ALG2: variants seen among roughly 807,000 people sequenced by gnomAD.
ALG2 encodes ALG2 alpha-1,3/1,6-mannosyltransferase.
ALG2 carries 32 observed loss-of-function variants against 30.5 expected under a neutral mutation model. The ratio of observed to expected loss-of-function variants is 1.05; its 90% confidence interval spans 0.79 to 1.41. The LOEUF (loss-of-function observed/expected upper bound fraction) is 1.41. Ranked by LOEUF, ALG2 falls within the 40% of genes most tolerant of loss-of-function variation. The pLI is 0.00. For synonymous variants in ALG2, 253 were observed against 224.8 expected, an observed-to-expected ratio of 1.13 and a Z score of -1.12; for missense variants, 574 against 526.4, an observed-to-expected ratio of 1.09 and a Z score of -0.88.
At chr9:99,218,965 T>A (rs368942883) in intron 1 of ALG2, 129 bp from the exon 2 acceptor site, 6 of 974,110 alleles carry the variant, frequency 6.2e-6, no homozygotes, top group African/African-American at 4.8e-5. Flanking sequence ...TCTGTTTTAT[T>A]CCCCAAGACT....
intron 1 of ALG2, among the ~76,000 whole-genome samples, chr9:99,220,170 G>C (rs747200806): frequency 1.3e-5 from 2 of 151,784 alleles, no homozygotes; most frequent in Non-Finnish European, 2.9e-5. Flanking sequence ...CCAACTTTAG[G>C]AATTTCCTCA....
chr9:99,220,947 C>G (rs773931286), intron 1 of ALG2: 1 of 1,350,260 alleles, frequency 7.4e-7, no homozygotes, highest in Non-Finnish European at 9.8e-7. Context: ...TCAAGAATAG[C>G]TACAGGGCAG....
rs1477909063 is a variant in ALG2, at chr9:99,216,916, GAA to G, written c.*1016_*1017del. ...ACTTCTGGAAATGAATTTAGCCTTA[GAA>G]GTATGTTGAAAACTACTGTTTATGA... On this transcript the variant is annotated 3_prime_UTR_variant, in exon 2 of 2. Transcript: ENST00000476832. 7.7e-5 allele frequency: 35 copies of G among 453,984 alleles called. No homozygotes were observed. The highest frequency in any genetic ancestry group is 1.2e-4 in the Non-Finnish European group (28 of 226,800). The allele number at this position is 453,984 out of a possible 1,614,324, so 28.1% of individuals were successfully genotyped here. A position where few individuals can be genotyped will look rare whatever the true frequency, so the allele number is the denominator to read the frequency against.
Position 99,217,374 on chromosome 9 carries a change from T to TAAAC in ALG2, c.*556_*559dup. 1 of 454,036 alleles carries TAAAC rather than the reference T, an allele frequency of 2.2e-6. No individual in the cohort carries two copies. The highest frequency in any genetic ancestry group is 6.9e-5 in the East Asian group (1 of 14,396). The allele number at this position is 454,036 out of a possible 1,614,324, so 28.1% of individuals were successfully genotyped here. A position where few individuals can be genotyped will look rare whatever the true frequency, so the allele number is the denominator to read the frequency against. On this transcript the variant is annotated 3_prime_UTR_variant, in exon 2 of 2. Transcript: ENST00000476832. ...ATCTAATACTGTTTCTTTTTTATGA[T>TAAAC]AAACACCTTTTATTATATCTCAGTG...
In ALG2 at chr9:99,218,735, A is replaced by T. The variant is rs1371966444; in HGVS notation, c.450T>A (p.Phe150Leu). 2 of 1,614,032 alleles carry T rather than the reference A, an allele frequency of 1.2e-6. No homozygotes were observed. Among genetic ancestry groups the T allele is most frequent in the Non-Finnish European group, 1.7e-6 (2 of 1,180,034 alleles). Residue 150 changes from phenylalanine to leucine, a missense_variant, in exon 2 of 2, where the codon TTT becomes TTA. Transcript: ENST00000476832. ...PDLLLTKRDSFLKRLYRAPID... is the reference protein window; with the variant it reads ...PDLLLTKRDSLLKRLYRAPID... ...TTGGGGCCCTGTATAGTCGTTTAAG[A>T]AAAGAATCTCTCTTGGTGAGAAGCA...
Position 99,221,870 on chromosome 9 carries a change from G to T in ALG2, c.25C>A (p.Arg9=). The change falls in exon 1 of 2, where the codon CGG becomes AGG. Residue 9 remains arginine (R), a synonymous_variant. Transcript: ENST00000476832. ...ACCGACGGCTTGGGAACCGAGTCCC[G>T]TTCCCGGCCCTGCTCCTCCGCCATG... MAEEQGRE[R]DSVPKPSVLF... 1 of 1,590,362 alleles carries T rather than the reference G, an allele frequency of 6.3e-7. No homozygotes were observed.
At position 99,218,323 on chromosome 9, in the gene ALG2, C is replaced by G. The variant is rs755373330; in HGVS notation, c.862G>C (p.Val288Leu). Residue 288 changes from valine (V) to leucine (L), a missense_variant, in exon 2 of 2, where the codon GTC (valine) becomes CTC (leucine). Val to Leu is a conservative substitution (Grantham distance 32, BLOSUM62 1). Transcript: ENST00000476832. ...VEHYQELKKM[V>L]QQSDLGQYVT... ...TACTGGCCAAGGTCGGACTGTTGGA[C>G]CATTTTCTTCAATTCCTGATAATGT... The G allele has an allele frequency of 1.2e-6, 2 of 1,614,194 alleles. No individual in the cohort carries two copies. Among genetic ancestry groups the G allele is most frequent in the Admixed American group, 3.3e-5 (2 of 60,024 alleles).
intron 1 of ALG2, among the ~76,000 whole-genome samples, chr9:99,219,077 G>A (rs1435043516): frequency 6.6e-6 from 1 of 152,138 alleles, no homozygotes; most frequent in East Asian, 1.9e-4. Context: ...CTCTTGTATA[G>A]TGCTGTCTAA....
chr9:99,216,761 T>C lies in ALG2; in HGVS notation c.*1173A>G, dbSNP rs1229622647. The C allele has an allele frequency of 2.2e-6, 1 of 453,874 alleles. No homozygotes were observed. Among genetic ancestry groups the C allele is most frequent in the Admixed American group, 2.4e-5 (1 of 42,538 alleles). 28.1% of individuals were successfully genotyped at this position (453,874 alleles called of 1,614,324 possible). A position where few individuals can be genotyped will look rare whatever the true frequency, so the allele number is the denominator to read the frequency against. ...TATGAGGAAAGTAGAATAGTACAAT[T>C]ATCTCACTTTGCAGATGAAGAAGCT... On this transcript the variant is annotated 3_prime_UTR_variant, in exon 2 of 2. Transcript: ENST00000476832.
At position 99,217,470 on chromosome 9, in the gene ALG2, A is replaced by C. The variant is rs1001200979; in HGVS notation, c.*464T>G. 8 of 454,532 alleles carry C rather than the reference A, an allele frequency of 1.8e-5. No individual in the cohort carries two copies. The highest frequency in any genetic ancestry group is 3.5e-5 in the Non-Finnish European group (8 of 226,958). The allele number at this position is 454,532 out of a possible 1,614,324, so 28.2% of individuals were successfully genotyped here. A position where few individuals can be genotyped will look rare whatever the true frequency, so the allele number is the denominator to read the frequency against. ...TATGGATCCAGGCAAAGACAGGACAAACAAAAATTCCCTAACAGATGACAG... is the reference window on the plus strand; with the variant it reads ...TATGGATCCAGGCAAAGACAGGACACACAAAAATTCCCTAACAGATGACAG... On this transcript the variant is annotated 3_prime_UTR_variant, in exon 2 of 2. Transcript: ENST00000476832.
intron 1 of ALG2, among the ~76,000 whole-genome samples, chr9:99,220,464 AG>A (rs1828773185): frequency 6.6e-6 from 1 of 152,144 alleles, no homozygotes; most frequent in African/African-American, 2.4e-5. Flanking sequence ...CGAGGTCAGG[AG>A]TTCGAGACCA....
At chr9:99,221,284 A>G in intron 1 of ALG2, 1 of 1,017,810 alleles carries the variant, frequency 9.8e-7, no homozygotes, top group Non-Finnish European at 1.4e-6. Flanking sequence ...CCTATGACCC[A>G]GTTAAAATGC....
intron 1 of ALG2, chr9:99,220,899 T>C: frequency 7.8e-7 from 1 of 1,286,080 alleles, no homozygotes; most frequent in Non-Finnish European, 1.0e-6. Flanking sequence ...TTTAAAGTCA[T>C]CTTTTTTAGG....
chr9:99,217,343 A>G lies in ALG2; in HGVS notation c.*591T>C. 2.2e-6 allele frequency: 1 copy of G among 454,098 alleles called. No individual in the cohort carries two copies. Among genetic ancestry groups the G allele is most frequent in the Non-Finnish European group, 4.4e-6 (1 of 226,776 alleles). The allele number at this position is 454,098 out of a possible 1,614,324, so 28.1% of individuals were successfully genotyped here. ...AACAATACCAAAATAGATTATGGAG[A>G]CCAAAATCTAATACTGTTTCTTTTT... On this transcript the variant is annotated 3_prime_UTR_variant, in exon 2 of 2. Coordinates refer to ENST00000476832, the MANE Select transcript of ALG2 (RefSeq NM_033087.4).
chr9:99,221,073 C>T, intron 1 of ALG2: 1 of 1,357,868 alleles, frequency 7.4e-7, no homozygotes, highest in Non-Finnish European at 9.7e-7. Flanking sequence ...GCGTTTTTAA[C>T]ACATGACACT....
intron 1 of ALG2, among the ~76,000 whole-genome samples, chr9:99,220,020 A>C (rs371471239): frequency 6.6e-6 from 1 of 152,244 alleles, no homozygotes. Context: ...AAAGTTTAAA[A>C]TGGTTAATAT....
At position 99,218,202 on chromosome 9, in the gene ALG2, C is replaced by G; in HGVS notation, c.983G>C (p.Gly328Ala). Residue 328 changes from glycine to alanine, a missense_variant, in exon 2 of 2, where the codon GGC becomes GCC. Gly to Ala is a moderately conservative substitution (Grantham distance 60). Coordinates refer to ENST00000476832, the MANE Select transcript of ALG2 (RefSeq NM_033087.4). ...GTACATGGCTTCCAGAGGGACAATG[C>G]CAAAGTGCTCATTGCTTGGTGTGTA... ...VLYTPSNEHF[G>A]IVPLEAMYMQ... The G allele has an allele frequency of 6.2e-7, 1 of 1,614,074 alleles. No individual in the cohort carries two copies. Among genetic ancestry groups the G allele is most frequent in the Non-Finnish European group, 8.5e-7 (1 of 1,179,936 alleles).
Position 99,216,752 on chromosome 9 carries a change from TAGTACAATTATCTCACTTTGC to T in ALG2, c.*1161_*1181del, listed in dbSNP as rs1564215045. 2.2e-6 allele frequency: 1 copy of T among 453,506 alleles called. No homozygotes were observed. The highest frequency in any genetic ancestry group is 6.9e-5 in the East Asian group (1 of 14,414). 28.1% of individuals were successfully genotyped at this position (453,506 alleles called of 1,614,324 possible). On this transcript the variant is annotated 3_prime_UTR_variant, in exon 2 of 2. Coordinates refer to ENST00000476832, the MANE Select transcript of ALG2 (RefSeq NM_033087.4). Reference sequence around the variant, plus strand: ...TAACCGCACTATGAGGAAAGTAGAATAGTACAATTATCTCACTTTGCAGATGAAGAAGCTGAGGTATAGAGA... The same window carrying T: ...TAACCGCACTATGAGGAAAGTAGAATAGATGAAGAAGCTGAGGTATAGAGA...
At chr9:99,220,248 C>G (rs190708611) in intron 1 of ALG2, among the ~76,000 whole-genome samples, 1 of 152,216 alleles carries the variant, frequency 6.6e-6, no homozygotes, top group Non-Finnish European at 1.5e-5. Flanking sequence ...CATTACAACA[C>G]TGATCTATTC....
Sources: gnomAD v4.1 joint callset for allele counts (sites outside exome capture counted in the v4.1 genomes callset) on GRCh38, gnomAD v4.1.1 for gene constraint, MANE v1.5 for transcripts, NCBI Gene and HGNC (gene_info 2026-07-23, HGNC 2026-07-21) for gene names.